LOXL2: variants seen among roughly 807,000 people sequenced by gnomAD.
LOXL2 encodes lysyl oxidase homolog 2.
Under a neutral mutation model 93.0 loss-of-function variants are expected in LOXL2, and 70 were observed. That is an observed-to-expected ratio of 0.75 (90% CI 0.62 to 0.92). The LOEUF is 0.92. LOXL2 is among the 40% of genes least tolerant of loss of function. The pLI, the probability that LOXL2 is intolerant of heterozygous loss-of-function variation, is 0.00. For synonymous variants in LOXL2, 438 were observed against 413.2 expected (o/e 1.06, Z -0.73); for missense variants, 973 against 1,054.9 (o/e 0.92, Z 1.08).
intron 8 of LOXL2, 147 bp downstream of exon 8, chr8:23,319,738 G>A (rs1190651590): frequency 2.1e-5 from 18 of 837,260 alleles, no homozygotes; most frequent in Admixed American, 7.7e-5. Context: ...TGGCCAGAGC[G>A]AGGCTCCCTG....
chr8:23,317,908 TCTC>T (rs72041384), intron 8 of LOXL2, among the ~76,000 whole-genome samples: 83,048 of 146,842 alleles, frequency 0.57, 25,391 homozygotes, highest in Non-Finnish European at 0.7. Context: ...AGGGAGGTCT[TCTC>T]GGGATCGTCA....
chr8:23,304,705 C>G (rs1030698043), intron 10 of LOXL2, among the ~76,000 whole-genome samples: 1 of 152,082 alleles, frequency 6.6e-6, no homozygotes, highest in Admixed American at 6.5e-5. Context: ...CATACCTGTC[C>G]CCTTCCTCGT....
intron 3 of LOXL2, among the ~76,000 whole-genome samples, chr8:23,357,355 C>T (rs1416569230): frequency 6.6e-6 from 1 of 152,204 alleles, no homozygotes; most frequent in Non-Finnish European, 1.5e-5. Context: ...CGGGCATGAG[C>T]CACTGCGCCC....
rs550659352 is a variant in LOXL2 at position 23,320,040 on chromosome 8, C to T, written c.1315G>A (p.Gly439Ser). 1.5e-5 allele frequency: 25 copies of T among 1,613,948 alleles called. No homozygotes were observed. Among genetic ancestry groups the T allele is most frequent in the African/African-American group, 1.2e-4 (9 of 75,048 alleles). ...MGLQKKLRLN[G>S]GRNPYEGRVE... ...CGGCCCTCGTAGGGATTGCGGCCGC[C>T]GTTCAGGCGCAGCTGCAGACACAAA... is the stretch of plus-strand genomic sequence containing the variant. Residue 439 changes from glycine (G) to serine (S), a missense_variant, in exon 8 of 14, where the codon GGC becomes AGC. Gly to Ser is a moderately conservative substitution (Grantham distance 56, BLOSUM62 0). Transcript: ENST00000389131.
At chr8:23,359,028 A>G (rs1804245277) in intron 3 of LOXL2, among the ~76,000 whole-genome samples, 1 of 150,814 alleles carries the variant, frequency 6.6e-6, no homozygotes, top group Non-Finnish European at 1.5e-5. Flanking sequence ...TTTTTTTTGT[A>G]TTTTTAGTAG....
At chr8:23,390,143 A>G (rs1804818804) in intron 1 of LOXL2, among the ~76,000 whole-genome samples, 1 of 152,150 alleles carries the variant, frequency 6.6e-6, no homozygotes, top group Non-Finnish European at 1.5e-5. Flanking sequence ...TGCTTGGACC[A>G]ACAGGAGAGA....
rs534485001 is a variant in LOXL2, at chr8:23,320,121, G to T, written c.1303-69C>A. The stretch of plus-strand genomic sequence containing the variant: ...GAGCTTCCCCCCTACGCTGCCATCA[G>T]CCCCAGTGTCCTGGAGTCCTAAGCC... On this transcript the variant is annotated intron_variant, in intron 7 of 13. Coordinates refer to ENST00000389131, the MANE Select transcript of LOXL2 (RefSeq NM_002318.3). 4 of 1,525,058 alleles carry T rather than the reference G, an allele frequency of 2.6e-6. No individual in the cohort carries two copies. In the East Asian group the frequency reaches 6.8e-5, roughly 26 times the overall value. 94.5% of individuals were successfully genotyped at this position (1,525,058 alleles called of 1,614,324 possible).
intron 3 of LOXL2, among the ~76,000 whole-genome samples, chr8:23,359,803 C>T (rs1423582412): frequency 1.3e-5 from 2 of 152,240 alleles, no homozygotes; most frequent in Non-Finnish European, 2.9e-5. Context: ...GTTAACCCTA[C>T]TCCCAGATGC....
At chr8:23,328,750 G>A in intron 5 of LOXL2, 185 bp from the exon 6 acceptor site, 1 of 379,658 alleles carries the variant, frequency 2.6e-6, no homozygotes, top group Non-Finnish European at 4.8e-6. Context: ...TGTGTGTCGT[G>A]GGTGTGTTGG....
intron 1 of LOXL2, among the ~76,000 whole-genome samples, chr8:23,402,955 C>G: frequency 6.6e-6 from 1 of 152,078 alleles, no homozygotes; most frequent in East Asian, 1.9e-4. Context: ...TGTTCTCTTC[C>G]TCACACCCTC....
chr8:23,298,466 AC>A (rs1488120631), intron 13 of LOXL2, among the ~76,000 whole-genome samples: 3 of 152,234 alleles, frequency 2.0e-5, no homozygotes, highest in African/African-American at 7.2e-5. Context: ...ACTAGAAATA[AC>A]AGTAGTTTGC....
intron 1 of LOXL2, among the ~76,000 whole-genome samples, chr8:23,386,504 T>G (rs759339053): frequency 6.6e-6 from 1 of 152,232 alleles, no homozygotes; most frequent in Non-Finnish European, 1.5e-5. Context: ...TGAGGACATC[T>G]AGACTAATAT....
chr8:23,334,819 TTG>T (rs1383611473), intron 4 of LOXL2, among the ~76,000 whole-genome samples: 1 of 139,092 alleles, frequency 7.2e-6, no homozygotes, highest in African/African-American at 2.8e-5. Flanking sequence ...TTATTTGTTG[TTG>T]TTTTTTTTTT....
chr8:23,324,237 G>A (rs1803543559), intron 6 of LOXL2, among the ~76,000 whole-genome samples: 1 of 152,308 alleles, frequency 6.6e-6, no homozygotes, highest in East Asian at 1.9e-4. Flanking sequence ...GTGTAAACTT[G>A]CGTGGCTGTC....
chr8:23,367,937 G>A (rs1804431725), intron 2 of LOXL2, 60 bp downstream of exon 2: 1 of 1,422,734 alleles, frequency 7.0e-7, no homozygotes, highest in Non-Finnish European at 9.7e-7. Context: ...TGACCTCAGG[G>A]AAGGCCACTC....
Position 23,368,205 on chromosome 8 carries a change from G to A in LOXL2, c.147C>T (p.Ala49=). Residue 49 remains alanine, a synonymous_variant, in exon 2 of 14, where the codon GCC becomes GCT. Transcript: ENST00000389131. ...GCTGAATCTTGGCCACGTTGGCGGG[G>A]GCCTGGGGCTGGTGATACTCAGGAG... ...QPAPEYHQPQ[A]PANVAKIQLR... 1 of 1,614,058 alleles carries A rather than the reference G, an allele frequency of 6.2e-7. No homozygotes were observed. The highest frequency in any genetic ancestry group is 8.5e-7 in the Non-Finnish European group (1 of 1,180,040).
chr8:23,375,070 T>C (rs1804565703), intron 1 of LOXL2, among the ~76,000 whole-genome samples: 1 of 152,218 alleles, frequency 6.6e-6, no homozygotes, highest in South Asian at 2.1e-4. Context: ...AGGGTTTTTA[T>C]GGTTTTAGGT....
In LOXL2 at chr8:23,368,409, C is replaced by T. The variant is rs754120744; in HGVS notation, c.-58G>A. On this transcript the variant is annotated 5_prime_UTR_variant, in exon 2 of 14. Transcript: ENST00000389131. Reference sequence around the variant, plus strand: ...GCCCTGCGCAGCTGGGAGGGACAGGCGGGGTACAGAAGCAGCAGGAGCTTT... The same window carrying T: ...GCCCTGCGCAGCTGGGAGGGACAGGTGGGGTACAGAAGCAGCAGGAGCTTT... The T allele has an allele frequency of 1.4e-5, 20 of 1,472,162 alleles. No homozygotes were observed. The highest frequency in any genetic ancestry group is 9.7e-5 in the African/African-American group (7 of 72,462). 91.2% of individuals were successfully genotyped at this position (1,472,162 alleles called of 1,614,324 possible). A position where few individuals can be genotyped will look rare whatever the true frequency, so the allele number is the denominator to read the frequency against.
intron 12 of LOXL2, among the ~76,000 whole-genome samples, chr8:23,301,336 C>T (rs558827398): frequency 6.6e-5 from 10 of 152,372 alleles, no homozygotes; most frequent in African/African-American, 2.4e-4. Context: ...CTGGCCAGAA[C>T]ATGCCGCTGT....
Sources: allele counts gnomAD v4.1 joint callset (sites outside exome capture counted in the v4.1 genomes callset), GRCh38; gene constraint gnomAD v4.1.1; transcripts MANE v1.5; gene names NCBI Gene and HGNC (gene_info 2026-07-23, HGNC 2026-07-21).